SENP5: variants seen among roughly 807,000 people sequenced by gnomAD.
SENP5 encodes the protein sentrin-specific protease 5.
In SENP5, 21 loss-of-function variants were observed where a neutral mutation model predicts 74.2. The observed-to-expected ratio is 0.28, with a 90% CI of 0.20 to 0.41. The LOEUF (loss-of-function observed/expected upper bound fraction) is 0.41. Ranked by LOEUF, SENP5 falls within the 10% of genes least tolerant of loss-of-function variation. The probability of loss-of-function intolerance (pLI) is 1.00; values close to 1 mark genes in which losing one functional copy is unlikely to be tolerated. For synonymous variants in SENP5, 311 were observed against 312.7 expected (o/e 0.99, Z 0.06); for missense variants, 717 against 889.1 (o/e 0.81, Z 2.46).
intron 2 of SENP5, among the ~76,000 whole-genome samples, chr3:196,898,200 G>GA (rs1714532658): frequency 9.7e-6 from 1 of 103,154 alleles, no homozygotes; most frequent in Non-Finnish European, 2.2e-5. Flanking sequence ...AAAAAGAAAA[G>GA]AAAGAACGTC....
intron 1 of SENP5, among the ~76,000 whole-genome samples, chr3:196,877,149 A>G (rs1577793027): frequency 6.6e-6 from 1 of 152,108 alleles, no homozygotes; most frequent in African/African-American, 2.4e-5. Flanking sequence ...GTGAGACCCC[A>G]TCTTACTACC....
At chr3:196,926,804 A>C (rs1488163473) in intron 7 of SENP5, among the ~76,000 whole-genome samples, 11 of 151,552 alleles carry the variant, frequency 7.3e-5, no homozygotes, top group Admixed American at 6.6e-4. Context: ...ACACCTGGCT[A>C]ATTTTTGTAT....
Position 196,886,296 on chromosome 3 carries a change from T to TC in SENP5, c.1115_1116insC (p.His373SerfsTer2). On this transcript the variant is annotated frameshift_variant, in exon 2 of 10. Coordinates refer to ENST00000323460, the MANE Select transcript of SENP5 (RefSeq NM_152699.5). LOFTEE classifies it high-confidence loss of function. ...CCTAAGTGGGAGTGTACAGAGCTGA[T>TC]TCATGACATCCCCTTACCAGAACAT... is the stretch of plus-strand genomic sequence containing the variant. 6.2e-7 allele frequency: 1 copy of TC among 1,614,138 alleles called. No individual in the cohort carries two copies. The highest frequency in any genetic ancestry group is 8.5e-7 in the Non-Finnish European group (1 of 1,180,020).
At position 196,886,645 on chromosome 3, in the gene SENP5, T is replaced by C. The variant is rs1713988896; in HGVS notation, c.1464T>C (p.Ser488=). The change falls in exon 2 of 10, where the codon AGT becomes AGC. Residue 488 remains serine, a synonymous_variant. Transcript: ENST00000323460. The stretch of plus-strand genomic sequence containing the variant: ...ATCAAGTAGGAGGTGGAAAGAACAG[T>C]CAGAAAGCCTCTCCAGTGGATGATG... The part of the protein sequence containing the change: ...LENQVGGGKN[S]QKASPVDDEQ... 6.2e-7 allele frequency: 1 copy of C among 1,600,154 alleles called. No homozygotes were observed. Among genetic ancestry groups the C allele is most frequent in the Non-Finnish European group, 8.5e-7 (1 of 1,174,248 alleles).
chr3:196,872,900 G>C lies in SENP5; in HGVS notation c.-32+4827G>C, dbSNP rs1027804185. ...TCCAGGTGTCTGCAAGGATGGGTAGGGGACAGTTGGCTGGTTTTGTGGCAT... is the reference window on the plus strand; with the variant it reads ...TCCAGGTGTCTGCAAGGATGGGTAGCGGACAGTTGGCTGGTTTTGTGGCAT... On this transcript the variant is annotated intron_variant, in intron 1 of 9. Transcript: ENST00000323460. 2.5e-4 allele frequency among the ~76,000 whole-genome samples: 38 copies of C among 152,028 alleles called. 1 individual carries two copies. Among genetic ancestry groups the C allele is most frequent in the Admixed American group, 2.4e-3 (37 of 15,250 alleles).
intron 6 of SENP5, among the ~76,000 whole-genome samples, chr3:196,910,156 A>G (rs1048121011): frequency 8.6e-5 from 13 of 152,030 alleles, no homozygotes; most frequent in African/African-American, 2.9e-4. Context: ...CACAATTGCT[A>G]CAAAGAGAAT....
chr3:196,887,524 T>A (rs916062901), intron 2 of SENP5, among the ~76,000 whole-genome samples: 1 of 151,420 alleles, frequency 6.6e-6, no homozygotes, highest in Non-Finnish European at 1.5e-5. Context: ...TTTTTTTTTT[T>A]AATATAGGAG....
At position 196,871,404 on chromosome 3, in the gene SENP5, A is replaced by G. The variant is rs376548971; in HGVS notation, c.-32+3331A>G. 1.8e-4 allele frequency among the ~76,000 whole-genome samples: 27 copies of G among 152,292 alleles called. No individual in the cohort carries two copies. In the East Asian group the frequency reaches 2.5e-3, roughly 14 times the overall value. On this transcript the variant is annotated intron_variant, in intron 1 of 9. Coordinates refer to ENST00000323460, the MANE Select transcript of SENP5 (RefSeq NM_152699.5). Reference sequence around the variant, plus strand: ...GTATGAACCCAGGGTTACAGTTTCAATCTAAACTGATACTGCAGAGTTAAC... The same window carrying G: ...GTATGAACCCAGGGTTACAGTTTCAGTCTAAACTGATACTGCAGAGTTAAC...
intron 7 of SENP5, among the ~76,000 whole-genome samples, chr3:196,925,784 C>A (rs1346355799): frequency 6.6e-6 from 1 of 152,184 alleles, no homozygotes; most frequent in Non-Finnish European, 1.5e-5. Flanking sequence ...CCAAGCCCTC[C>A]TGCAGAGTTC....
intron 4 of SENP5, 144 bp from the exon 5 acceptor site, chr3:196,900,221 G>A (rs1008842299): frequency 3.3e-5 from 34 of 1,031,730 alleles, no homozygotes; most frequent in Non-Finnish European, 4.7e-5. Context: ...ATTACTATTG[G>A]CAGTAATAAT....
At chr3:196,886,856 C>T (rs942276983) in intron 2 of SENP5, among the ~76,000 whole-genome samples, 162 bp downstream of exon 2, 4 of 152,108 alleles carry the variant, frequency 2.6e-5, no homozygotes, top group African/African-American at 9.7e-5. Flanking sequence ...GTAGATGTTC[C>T]ATCATTTAAT....
chr3:196,900,491 A>G, intron 5 of SENP5, 79 bp downstream of exon 5: 1 of 1,152,378 alleles, frequency 8.7e-7, no homozygotes, highest in Non-Finnish European at 1.2e-6. Flanking sequence ...TTTACATTTG[A>G]TGTAATTATC....
chr3:196,929,516 C>A, intron 8 of SENP5, 117 bp from the exon 9 acceptor site: 1 of 599,808 alleles, frequency 1.7e-6, no homozygotes. Context: ...GATATACCAG[C>A]TGTCCTGGAG....
chr3:196,887,458 G>A (rs1012273582), intron 2 of SENP5, among the ~76,000 whole-genome samples: 3 of 151,418 alleles, frequency 2.0e-5, no homozygotes, highest in Admixed American at 6.6e-5. Flanking sequence ...GGGATTACAG[G>A]CGTGAGACAC....
In SENP5 at chr3:196,925,109, T is replaced by G. The variant is rs1715763012; in HGVS notation, c.2022+1558T>G. ...ATTTTTTATATCAATGATTATTACC[T>G]TTGGGTAAGTGTAGAAAAGCAGGAC... On this transcript the variant is annotated intron_variant, in intron 7 of 9. Coordinates refer to ENST00000323460, the MANE Select transcript of SENP5 (RefSeq NM_152699.5). Among the ~76,000 whole-genome samples, 3 of 152,070 alleles carry G rather than the reference T, an allele frequency of 2.0e-5. No individual in the cohort carries two copies. In the South Asian group the frequency reaches 6.2e-4, roughly 32 times the overall value.
intron 1 of SENP5, among the ~76,000 whole-genome samples, chr3:196,870,837 A>G (rs1403645670): frequency 2.0e-5 from 3 of 151,994 alleles, no homozygotes; most frequent in African/African-American, 7.2e-5. Flanking sequence ...TTGATTTTCT[A>G]CAACCAGATG....
intron 2 of SENP5, among the ~76,000 whole-genome samples, chr3:196,896,381 C>A (rs1306428708): frequency 6.6e-6 from 1 of 152,174 alleles, no homozygotes; most frequent in Non-Finnish European, 1.5e-5. Flanking sequence ...CTTAGTTCTA[C>A]CATATGCTAG....
At chr3:196,918,286 G>C (rs1183636968) in intron 6 of SENP5, among the ~76,000 whole-genome samples, 2 of 144,186 alleles carry the variant, frequency 1.4e-5, no homozygotes, top group Non-Finnish European at 3.0e-5. Context: ...CAAGCTGGGC[G>C]ACAGAACGAG....
At chr3:196,873,623 G>C (rs1011480510) in intron 1 of SENP5, among the ~76,000 whole-genome samples, 96 of 151,600 alleles carry the variant, frequency 6.3e-4, no homozygotes, top group African/African-American at 2.2e-3. Context: ...GGTGGATTGC[G>C]AGGTCAGGAG....
Sources: allele counts gnomAD v4.1 joint callset (sites outside exome capture counted in the v4.1 genomes callset), GRCh38; gene constraint gnomAD v4.1.1; transcripts MANE v1.5; gene names NCBI Gene and HGNC (gene_info 2026-07-23, HGNC 2026-07-21).